The following SLC24A2 variants were observed in gnomAD, a reference collection of about 807,000 sequenced individuals.
SLC24A2 encodes sodium/potassium/calcium exchanger 2.
SLC24A2 carries 36 observed loss-of-function variants against 62.0 expected under a neutral mutation model. The observed-to-expected ratio is 0.58, with a 90% CI of 0.44 to 0.77. The LOEUF (loss-of-function observed/expected upper bound fraction) is 0.77, where lower values mean the gene tolerates loss of function less well. SLC24A2 is among the 30% of genes least tolerant of loss of function. The pLI is 0.00. For missense variants in SLC24A2, 846 were observed against 817.9 expected, an observed-to-expected ratio of 1.03 and a Z score of -0.42; for synonymous variants, 358 against 294.0, an observed-to-expected ratio of 1.22 and a Z score of -2.23.
chr9:20,251,612 G>A, the SLC24A2 span, among the ~76,000 whole-genome samples: 15 of 152,258 alleles, frequency 9.9e-5, no homozygotes, highest in African/African-American at 3.1e-4. Flanking sequence ...CAGGAATTAC[G>A]TAATAAACTG....
At chr9:19,936,884 G>T in the SLC24A2 span, among the ~76,000 whole-genome samples, 1 of 152,164 alleles carries the variant, frequency 6.6e-6, no homozygotes, top group Non-Finnish European at 1.5e-5. Flanking sequence ...GTTAAAAGAG[G>T]TTGAATCTGG....
At chr9:19,943,728 TC>T in the SLC24A2 span, among the ~76,000 whole-genome samples, 1 of 152,334 alleles carries the variant, frequency 6.6e-6, no homozygotes, top group East Asian at 1.9e-4. Context: ...CATCAGTGTC[TC>T]AAATAAGAAA....
At chr9:19,795,409 T>C in the SLC24A2 span, among the ~76,000 whole-genome samples, 70 of 152,242 alleles carry the variant, frequency 4.6e-4, no homozygotes, top group African/African-American at 1.7e-3. Context: ...TGCTCATCTC[T>C]CAATTTGTTT....
At chr9:19,994,187 CCTT>C in the SLC24A2 span, among the ~76,000 whole-genome samples, 1 of 152,132 alleles carries the variant, frequency 6.6e-6, no homozygotes, top group African/African-American at 2.4e-5. Flanking sequence ...ATGACAATCT[CCTT>C]CGTCAGGGAA....
At chr9:19,524,330 A>C (rs1833335690) in intron 9 of SLC24A2, among the ~76,000 whole-genome samples, 1 of 151,480 alleles carries the variant, frequency 6.6e-6, no homozygotes, top group Admixed American at 6.6e-5. Context: ...TGCAGGATTG[A>C]CTTTAACTAC....
At chr9:20,177,413 T>C in the SLC24A2 span, among the ~76,000 whole-genome samples, 48 of 152,258 alleles carry the variant, frequency 3.2e-4, no homozygotes, top group Non-Finnish European at 6.0e-4. Flanking sequence ...TTACTTTGTC[T>C]TCTTTGTTGC....
chr9:20,079,617 T>G, the SLC24A2 span, among the ~76,000 whole-genome samples: 1 of 152,222 alleles, frequency 6.6e-6, no homozygotes, highest in Non-Finnish European at 1.5e-5. Flanking sequence ...ATGACAGCAG[T>G]ATACATATAT....
chr9:19,778,431 G>A (rs879943607), intron 2 of SLC24A2, among the ~76,000 whole-genome samples: 3 of 152,014 alleles, frequency 2.0e-5, no homozygotes, highest in Non-Finnish European at 4.4e-5. Context: ...TGAGACTCCT[G>A]AAGGGTTGAC....
chr9:20,003,250 C>T, the SLC24A2 span, among the ~76,000 whole-genome samples: 1 of 152,132 alleles, frequency 6.6e-6, no homozygotes, highest in Non-Finnish European at 1.5e-5. Flanking sequence ...TGACCACAGG[C>T]AAAATGATGC....
intron 2 of SLC24A2, among the ~76,000 whole-genome samples, chr9:19,727,042 C>T (rs564013545): frequency 3.9e-5 from 6 of 152,290 alleles, no homozygotes; most frequent in African/African-American, 1.4e-4. Context: ...GCACCTACAA[C>T]ATTTGGGCTG....
chr9:20,014,517 TAC>T, the SLC24A2 span, among the ~76,000 whole-genome samples: 5 of 148,460 alleles, frequency 3.4e-5, no homozygotes, highest in Admixed American at 1.3e-4. Flanking sequence ...TATATATATA[TAC>T]ACACACACAC....
the SLC24A2 span, among the ~76,000 whole-genome samples, chr9:19,797,562 C>G: frequency 7.8e-3 from 1,192 of 152,312 alleles, 65 homozygotes; most frequent in East Asian, 0.14. Context: ...CTTCCAGAAA[C>G]ACATGTCAGT....
At chr9:19,998,997 G>C in the SLC24A2 span, among the ~76,000 whole-genome samples, 1 of 152,208 alleles carries the variant, frequency 6.6e-6, no homozygotes, top group Non-Finnish European at 1.5e-5. Context: ...TGGTGATATA[G>C]CAGAGAGACT....
the SLC24A2 span, among the ~76,000 whole-genome samples, chr9:20,290,191 T>A: frequency 6.6e-6 from 1 of 152,114 alleles, no homozygotes; most frequent in Admixed American, 6.5e-5. Flanking sequence ...CCATACTGAG[T>A]GCAGCAAGCA....
At chr9:19,535,587 C>G (rs541491174) in intron 8 of SLC24A2, among the ~76,000 whole-genome samples, 4 of 152,168 alleles carry the variant, frequency 2.6e-5, no homozygotes, top group Non-Finnish European at 4.4e-5. Context: ...CCAATTTTCC[C>G]AGCACCATTG....
the SLC24A2 span, among the ~76,000 whole-genome samples, chr9:20,242,844 A>T: frequency 6.6e-6 from 1 of 152,102 alleles, no homozygotes; most frequent in Non-Finnish European, 1.5e-5. Flanking sequence ...TTCACTGGTG[A>T]TCTAGTGCTG....
chr9:19,954,340 G>C, the SLC24A2 span, among the ~76,000 whole-genome samples: 3 of 151,980 alleles, frequency 2.0e-5, no homozygotes, highest in South Asian at 6.2e-4. Flanking sequence ...AAAACCCAAG[G>C]CAACTCAAAC....
intron 2 of SLC24A2, among the ~76,000 whole-genome samples, chr9:19,728,909 T>G (rs562713616): frequency 1.3e-5 from 2 of 152,294 alleles, no homozygotes; most frequent in East Asian, 3.9e-4. Context: ...ATTTACTGTA[T>G]GCAAATTAAA....
the SLC24A2 span, among the ~76,000 whole-genome samples, chr9:20,024,794 G>A: frequency 6.6e-6 from 1 of 152,256 alleles, no homozygotes; most frequent in East Asian, 1.9e-4. Flanking sequence ...CATAGAAGAG[G>A]ACTAGTCCCA....
Sources: gnomAD v4.1 joint callset for allele counts (sites outside exome capture counted in the v4.1 genomes callset) on GRCh38, gnomAD v4.1.1 for gene constraint, MANE v1.5 for transcripts, NCBI Gene and HGNC (gene_info 2026-07-23, HGNC 2026-07-21) for gene names.